The following CHSY1 variants were observed in gnomAD, a reference collection of about 807,000 sequenced individuals.
The protein encoded by CHSY1 is N-acetylgalactosaminyl-proteoglycan 3-beta-glucuronosyltransferase 1.
CHSY1 carries 13 observed loss-of-function variants against 59.8 expected under a neutral mutation model. The observed-to-expected ratio is 0.22, with a 90% CI of 0.14 to 0.35. The LOEUF is 0.35. Ranked by LOEUF, CHSY1 falls within the 10% of genes least tolerant of loss-of-function variation. The pLI is 1.00. For synonymous variants in CHSY1, 459 were observed against 401.2 expected, an observed-to-expected ratio of 1.14 and a Z score of -1.72; for missense variants, 947 against 1,030.6, an observed-to-expected ratio of 0.92 and a Z score of 1.11.
At chr15:101,194,142 C>G (rs759499097) in intron 2 of CHSY1, among the ~76,000 whole-genome samples, 1 of 152,212 alleles carries the variant, frequency 6.6e-6, no homozygotes, top group Non-Finnish European at 1.5e-5. Flanking sequence ...AGCTACGGAG[C>G]GCCTTCGGCA....
chr15:101,213,111 T>C lies in CHSY1; in HGVS notation c.816+21971A>G, dbSNP rs117883469. Among the ~76,000 whole-genome samples, 328 of 152,224 alleles carry C rather than the reference T, an allele frequency of 2.2e-3. 1 individual carries two copies. The highest frequency in any genetic ancestry group is 3.5e-3 in the Non-Finnish European group (238 of 68,002). Reference sequence around the variant, plus strand: ...TTCCGAAAAGAGGAAGAAATCCAGATGGAAGAACGGAGGTGTAGTAAGGAA... The same window carrying C: ...TTCCGAAAAGAGGAAGAAATCCAGACGGAAGAACGGAGGTGTAGTAAGGAA... On this transcript the variant is annotated intron_variant, in intron 2 of 2. Coordinates refer to ENST00000254190, the MANE Select transcript of CHSY1 (RefSeq NM_014918.5).
intron 2 of CHSY1, among the ~76,000 whole-genome samples, chr15:101,200,376 G>T (rs541790045): frequency 4.6e-5 from 7 of 152,314 alleles, no homozygotes; most frequent in Admixed American, 2.6e-4. Context: ...CTGGAGCCTG[G>T]CCTGCTTCTC....
intron 2 of CHSY1, among the ~76,000 whole-genome samples, chr15:101,208,946 A>T (rs1328533222): frequency 6.6e-6 from 1 of 152,214 alleles, no homozygotes; most frequent in East Asian, 1.9e-4. Context: ...TGGATTAGAA[A>T]ATCACCATTT....
At chr15:101,212,383 T>C (rs1227211390) in intron 2 of CHSY1, among the ~76,000 whole-genome samples, 1 of 152,180 alleles carries the variant, frequency 6.6e-6, no homozygotes, top group East Asian at 1.9e-4. Context: ...CAAAGCAACT[T>C]TGTTCATAAT....
intron 2 of CHSY1, among the ~76,000 whole-genome samples, chr15:101,199,715 A>C (rs1177289195): frequency 2.6e-5 from 4 of 152,340 alleles, no homozygotes; most frequent in Non-Finnish European, 4.4e-5. Context: ...TTCAAGTTAG[A>C]TGAAAAACCT....
At chr15:101,248,057 A>G (rs2039068690) in intron 1 of CHSY1, among the ~76,000 whole-genome samples, 2 of 152,178 alleles carry the variant, frequency 1.3e-5, no homozygotes, top group Non-Finnish European at 2.9e-5. Context: ...TTTTTTTTAA[A>G]AAACAAAACT....
chr15:101,213,779 T>C (rs2038704661), intron 2 of CHSY1, among the ~76,000 whole-genome samples: 2 of 152,290 alleles, frequency 1.3e-5, no homozygotes, highest in South Asian at 4.1e-4. Context: ...AAGATACAGG[T>C]ACGAAGAAAA....
intron 1 of CHSY1, among the ~76,000 whole-genome samples, chr15:101,247,357 A>T (rs2039061943): frequency 6.6e-6 from 1 of 151,052 alleles, no homozygotes; most frequent in Non-Finnish European, 1.5e-5. Context: ...CTCTCTCCAA[A>T]CTCTTCCCTA....
chr15:101,221,603 C>A (rs1459768245), intron 2 of CHSY1, among the ~76,000 whole-genome samples: 5 of 152,130 alleles, frequency 3.3e-5, no homozygotes, highest in Non-Finnish European at 5.9e-5. Context: ...ATTACAGAAT[C>A]AATATATAAG....
intron 2 of CHSY1, chr15:101,189,533 G>C: frequency 9.5e-6 from 9 of 942,588 alleles, no homozygotes; most frequent in Non-Finnish European, 1.1e-5. Context: ...AAATCCAGCT[G>C]TTCTGTGTCA....
In CHSY1 at chr15:101,177,754, A is replaced by G. The variant is rs756636905; in HGVS notation, c.2043T>C (p.Phe681=). Residue 681 remains phenylalanine, a synonymous_variant, in exon 3 of 3, where the codon TTT becomes TTC. Coordinates refer to ENST00000254190, the MANE Select transcript of CHSY1 (RefSeq NM_014918.5). Reference sequence around the variant, plus strand: ...TTCTCCAGAAGCCAGTTTTCTGAGTAAAGGCAAAATGGTTGTCACTGGGAA... The same window carrying G: ...TTCTCCAGAAGCCAGTTTTCTGAGTGAAGGCAAAATGGTTGTCACTGGGAA... ...GKVPSDNHFA[F]TQKTGFWRNY... The G allele has an allele frequency of 1.2e-6, 2 of 1,614,240 alleles. No homozygotes were observed. Among genetic ancestry groups the G allele is most frequent in the Non-Finnish European group, 8.5e-7 (1 of 1,180,038 alleles).
At chr15:101,242,124 G>A (rs1372731554) in intron 1 of CHSY1, among the ~76,000 whole-genome samples, 1 of 152,148 alleles carries the variant, frequency 6.6e-6, no homozygotes, top group African/African-American at 2.4e-5. Flanking sequence ...GCAGATAGCA[G>A]GGCCAGCTGT....
intron 1 of CHSY1, among the ~76,000 whole-genome samples, chr15:101,238,673 A>G (rs2038971757): frequency 1.3e-5 from 2 of 152,252 alleles, no homozygotes; most frequent in African/African-American, 2.4e-5. Context: ...GTTTTCCCTT[A>G]GTGCCTATGG....
chr15:101,205,748 G>A (rs887899859), intron 2 of CHSY1, among the ~76,000 whole-genome samples: 2 of 152,112 alleles, frequency 1.3e-5, no homozygotes, highest in African/African-American at 4.8e-5. Context: ...TCAGGAGATC[G>A]AGACCATCCT....
At chr15:101,204,388 C>T (rs1392679534) in intron 2 of CHSY1, among the ~76,000 whole-genome samples, 29 of 150,928 alleles carry the variant, frequency 1.9e-4, no homozygotes, top group East Asian at 1.9e-4. Context: ...GAGTCGAGAT[C>T]GTGCCATTGC....
At chr15:101,200,438 T>C (rs2038561691) in intron 2 of CHSY1, among the ~76,000 whole-genome samples, 1 of 152,168 alleles carries the variant, frequency 6.6e-6, no homozygotes, top group Non-Finnish European at 1.5e-5. Flanking sequence ...CCAGTTTGTC[T>C]CCTGCCTGGT....
At chr15:101,195,809 C>T (rs907064817) in intron 2 of CHSY1, among the ~76,000 whole-genome samples, 1 of 110,774 alleles carries the variant, frequency 9.0e-6, no homozygotes, top group Non-Finnish European at 1.8e-5. Flanking sequence ...TGGGTGACAG[C>T]AAGACTCCGT....
chr15:101,189,595 G>T, intron 2 of CHSY1: 1 of 352,356 alleles, frequency 2.8e-6, no homozygotes, highest in Non-Finnish European at 4.0e-6. Flanking sequence ...AAGGGAAAGG[G>T]ACAGAGAAAA....
At chr15:101,210,029 C>A (rs1055886949) in intron 2 of CHSY1, among the ~76,000 whole-genome samples, 5 of 152,116 alleles carry the variant, frequency 3.3e-5, no homozygotes, top group Admixed American at 3.3e-4. Flanking sequence ...ACTCTTAGTC[C>A]GTTATTTCTC....
Sources: gnomAD v4.1 joint callset for allele counts (sites outside exome capture counted in the v4.1 genomes callset) on GRCh38, gnomAD v4.1.1 for gene constraint, MANE v1.5 for transcripts, NCBI Gene and HGNC (gene_info 2026-07-23, HGNC 2026-07-21) for gene names.